RWDD2B: variants seen among roughly 807,000 people sequenced by gnomAD.
The protein encoded by RWDD2B is RWD domain containing 2B.
RWDD2B carries 36 observed loss-of-function variants against 33.6 expected under a neutral mutation model. That is an observed-to-expected ratio of 1.07 (90% CI 0.82 to 1.42). The LOEUF (loss-of-function observed/expected upper bound fraction) is 1.42, where lower values mean the gene tolerates loss of function less well. RWDD2B is among the 40% of genes most tolerant of loss of function. RWDD2B has a pLI of 0.00. For missense variants in RWDD2B, 364 were observed against 377.5 expected (o/e 0.96, Z 0.30); for synonymous variants, 126 against 133.1 (o/e 0.95, Z 0.37).
chr21:29,014,025 T>C (rs577810349), intron 1 of RWDD2B, among the ~76,000 whole-genome samples: 27 of 152,364 alleles, frequency 1.8e-4, no homozygotes, highest in African/African-American at 6.3e-4. Flanking sequence ...TATTAGTTCA[T>C]TTTCTGTTAC....
chr21:29,010,421 A>G (rs1303971412), intron 1 of RWDD2B, among the ~76,000 whole-genome samples: 1 of 88,908 alleles, frequency 1.1e-5, no homozygotes, highest in Non-Finnish European at 2.4e-5. Flanking sequence ...AGCCTGGGTA[A>G]CATAACGAAA....
intron 1 of RWDD2B, chr21:29,009,824 G>A (rs566327452): frequency 3.9e-5 from 6 of 152,080 alleles, no homozygotes; most frequent in Admixed American, 3.9e-4. Context: ...AAAAATGCTG[G>A]TATAATGTAT....
intron 1 of RWDD2B, among the ~76,000 whole-genome samples, chr21:29,011,699 C>T (rs2084861775): frequency 2.2e-5 from 3 of 138,844 alleles, no homozygotes; most frequent in South Asian, 2.3e-4. Context: ...CGCCTCTGCC[C>T]GGCCGCCCCT....
chr21:29,018,234 TCC>T (rs1329100173), intron 1 of RWDD2B, among the ~76,000 whole-genome samples: 1 of 152,140 alleles, frequency 6.6e-6, no homozygotes. Flanking sequence ...GAAGAATGAC[TCC>T]GGGGCTTTAA....
chr21:29,009,241 C>T (rs542528823), intron 1 of RWDD2B, among the ~76,000 whole-genome samples: 1 of 152,128 alleles, frequency 6.6e-6, no homozygotes, highest in Non-Finnish European at 1.5e-5. Flanking sequence ...GTATGCACTG[C>T]CACGCCCGGC....
At position 29,006,616 on chromosome 21, in the gene RWDD2B, C is replaced by A. The variant is rs765123748; in HGVS notation, c.761G>T (p.Arg254Leu). 3.7e-6 allele frequency: 6 copies of A among 1,605,866 alleles called. No homozygotes were observed. In the Admixed American group the frequency reaches 1.0e-4, roughly 28 times the overall value. The stretch of plus-strand genomic sequence containing the variant: ...ATCAAAAGGAATGTCTTCTCGATGG[C>A]GAATTAAAATTCTCTTCCAGTTTAA... ...RKLNWKRILI[R>L]HREDIPFDGT... Residue 254 changes from arginine (R) to leucine (L), a missense_variant, in exon 5 of 5, where the codon CGC becomes CTC. Arg to Leu is a moderately radical substitution (Grantham distance 102, BLOSUM62 -2). Transcript: ENST00000493196.
In RWDD2B at chr21:29,008,482, A is replaced by G. The variant is rs1213775323; in HGVS notation, c.207T>C (p.Asp69=). 2.5e-6 allele frequency: 4 copies of G among 1,614,202 alleles called. No individual in the cohort carries two copies. Among genetic ancestry groups the G allele is most frequent in the Non-Finnish European group, 3.4e-6 (4 of 1,180,026 alleles). Residue 69 remains aspartate (D), a synonymous_variant, in exon 2 of 5, where the codon GAT becomes GAC. Coordinates refer to ENST00000493196, the MANE Select transcript of RWDD2B (RefSeq NM_016940.3). The part of the protein sequence containing the change: ...NDQLAVAELK[D]CIEKKTMEGR... ...CCTCCATTGTCTTCTTTTCAATACA[A>G]TCTTTCAGTTCTGCTACAGCCAGCT...
intron 1 of RWDD2B, among the ~76,000 whole-genome samples, chr21:29,018,763 G>A (rs988474589): frequency 6.6e-6 from 1 of 152,198 alleles, no homozygotes; most frequent in African/African-American, 2.4e-5. Context: ...GGCAGAGGAA[G>A]GGGGACTGCT....
chr21:29,011,969 C>G lies in RWDD2B; in HGVS notation c.68-3348G>C, dbSNP rs1443160864. ...GGGGTCAGCCCCCGACCCGGCCAGCCGCGCCGTCCGGGAGGGAGGTGGGGG... is the reference window on the plus strand; with the variant it reads ...GGGGTCAGCCCCCGACCCGGCCAGCGGCGCCGTCCGGGAGGGAGGTGGGGG... On this transcript the variant is annotated intron_variant, in intron 1 of 4. Coordinates refer to ENST00000493196, the MANE Select transcript of RWDD2B (RefSeq NM_016940.3). 2.3e-5 allele frequency among the ~76,000 whole-genome samples: 3 copies of G among 128,326 alleles called. 1 individual carries two copies. Among genetic ancestry groups the G allele is most frequent in the African/African-American group, 6.1e-5 (2 of 33,052 alleles). 84.2% of individuals were successfully genotyped at this position (128,326 alleles called of 152,430 possible).
intron 4 of RWDD2B, 145 bp from the exon 5 acceptor site, chr21:29,006,796 G>T (rs1317096143): frequency 1.7e-6 from 1 of 605,470 alleles, no homozygotes; most frequent in African/African-American, 1.9e-5. Flanking sequence ...TATTGATTTA[G>T]TAGAGGCAGG....
intron 4 of RWDD2B, 35 bp from the exon 5 acceptor site, chr21:29,006,686 A>G (rs778100973): frequency 7.1e-6 from 9 of 1,268,220 alleles, no homozygotes; most frequent in Non-Finnish European, 7.9e-6. Context: ...CATTTTCAAA[A>G]TGTATATTCT....
chr21:29,012,526 A>C (rs2084869490), intron 1 of RWDD2B, among the ~76,000 whole-genome samples: 1 of 151,862 alleles, frequency 6.6e-6, no homozygotes, highest in Non-Finnish European at 1.5e-5. Context: ...GGTTGAATGG[A>C]TTAAGGGCGG....
rs187903627 is a variant in RWDD2B, at chr21:29,012,656, G to A, written c.68-4035C>T. ...ACTGCGGAAGGCCGCAGGGTCCTCT[G>A]CCTAGGAAAACCAGAGACCTTTGTT... On this transcript the variant is annotated intron_variant, in intron 1 of 4. Transcript: ENST00000493196. Among the ~76,000 whole-genome samples the A allele has an allele frequency of 7.4e-3, 1,126 of 151,932 alleles. 15 individuals are homozygous for A. Among genetic ancestry groups the A allele is most frequent in the Non-Finnish European group, 0.012 (825 of 67,942 alleles).
intron 3 of RWDD2B, 47 bp downstream of exon 3, chr21:29,008,193 C>T: frequency 6.2e-7 from 1 of 1,610,248 alleles, no homozygotes; most frequent in African/African-American, 1.3e-5. Flanking sequence ...CTTTTATTCT[C>T]AGATTAATTT....
In RWDD2B at chr21:29,015,733, G is replaced by A. The variant is rs144983180; in HGVS notation, c.67+3478C>T. Among the ~76,000 whole-genome samples, 1,099 of 152,118 alleles carry A rather than the reference G, an allele frequency of 7.2e-3. 13 individuals carry two copies. The highest frequency in any genetic ancestry group is 0.025 in the African/African-American group (1,041 of 41,460). On this transcript the variant is annotated intron_variant, in intron 1 of 4. Transcript: ENST00000493196. Reference sequence around the variant, plus strand: ...TTTAGTAGAGAAAGGGTTTTATCATGTTGGCCAGGCTGGTCTCAAACTCCT... The same window carrying A: ...TTTAGTAGAGAAAGGGTTTTATCATATTGGCCAGGCTGGTCTCAAACTCCT...
At position 29,008,451 on chromosome 21, in the gene RWDD2B, A is replaced by T. The variant is rs1376146684; in HGVS notation, c.238T>A (p.Ser80Thr). 6.2e-7 allele frequency: 1 copy of T among 1,614,226 alleles called. No individual in the cohort carries two copies. The highest frequency in any genetic ancestry group is 1.7e-5 in the Admixed American group (1 of 60,032). ...CIEKKTMEGRSSKVYFTINMN... is the reference protein window; with the variant it reads ...CIEKKTMEGRTSKVYFTINMN... Reference sequence around the variant, plus strand: ...TTGATAGTAAAGTAGACTTTTGAAGATCGCCCCTCCATTGTCTTCTTTTCA... The same window carrying T: ...TTGATAGTAAAGTAGACTTTTGAAGTTCGCCCCTCCATTGTCTTCTTTTCA... The change falls in exon 2 of 5, where the codon TCT becomes ACT. Residue 80 changes from serine (S) to threonine (T), a missense_variant. Physicochemically the swap from Ser to Thr is moderately conservative, Grantham distance 58. Transcript: ENST00000493196.
rs765381606 is a variant in RWDD2B at position 29,008,048 on chromosome 21, AT to A, written c.437del (p.His146LeufsTer7). Reference protein sequence around the residue: ...DLTAFLQKHCHGDVCILNATE... With the variant: ...DLTAFLQKHCXGDVCILNATE... ...TGGCATTCAGTATACAAACATCTCC[AT>A]GACAATGTTTTTGCAGGAATGCAGT... is the stretch of plus-strand genomic sequence containing the variant. On this transcript the variant is annotated frameshift_variant, in exon 4 of 5. Coordinates refer to ENST00000493196, the MANE Select transcript of RWDD2B (RefSeq NM_016940.3). LOFTEE classifies it high-confidence loss of function. 12 of 1,613,792 alleles carry A rather than the reference AT, an allele frequency of 7.4e-6. No individual in the cohort carries two copies. Among genetic ancestry groups the A allele is most frequent in the Non-Finnish European group, 1.0e-5 (12 of 1,179,752 alleles).
At chr21:29,011,776 C>G (rs2084862622) in intron 1 of RWDD2B, among the ~76,000 whole-genome samples, 1 of 135,172 alleles carries the variant, frequency 7.4e-6, no homozygotes, top group African/African-American at 2.8e-5. Flanking sequence ...GGGGGGTCAG[C>G]CCCCCGCCCG....
In RWDD2B at chr21:29,006,669, A is replaced by G. The variant is rs1156980017; in HGVS notation, c.726-18T>C. On this transcript the variant is annotated intron_variant, in intron 4 of 4. Transcript: ENST00000493196. ...TTCTGAGTCTGAAAAGAAATTTCCA[A>G]AGTAAACATTTTCAAAATGTATATT... 2.1e-6 allele frequency: 3 copies of G among 1,459,408 alleles called. No individual in the cohort carries two copies. Among genetic ancestry groups the G allele is most frequent in the Non-Finnish European group, 2.8e-6 (3 of 1,053,470 alleles). The allele number at this position is 1,459,408 out of a possible 1,614,324, so 90.4% of individuals were successfully genotyped here. A position where few individuals can be genotyped will look rare whatever the true frequency, so the allele number is the denominator to read the frequency against.
Sources: allele counts gnomAD v4.1 joint callset (sites outside exome capture counted in the v4.1 genomes callset), GRCh38; gene constraint gnomAD v4.1.1; transcripts MANE v1.5; gene names NCBI Gene and HGNC (gene_info 2026-07-23, HGNC 2026-07-21).